Variants in LLCFC1 observed in about 807,000 individuals in gnomAD.
LLCFC1 encodes the protein sperm-oocyte fusion factor 1.
Under a neutral mutation model 9.8 loss-of-function variants are expected in LLCFC1, and 14 were observed. The observed-to-expected ratio is 1.43, with a 90% CI of 0.95 to 2.24. LLCFC1 has a LOEUF of 2.24. Ranked by LOEUF, LLCFC1 falls within the 30% of genes most tolerant of loss-of-function variation. The pLI is 0.00. For missense variants in LLCFC1, 162 were observed against 148.0 expected (o/e 1.09, Z -0.49); for synonymous variants, 70 against 58.8 (o/e 1.19, Z -0.87).
chr7:142,940,639 A>C lies in LLCFC1; in HGVS notation c.*52A>C. 7.1e-7 allele frequency: 1 copy of C among 1,418,226 alleles called. No individual in the cohort carries two copies. Among genetic ancestry groups the C allele is most frequent in the Middle Eastern group, 2.0e-4 (1 of 5,126 alleles). The allele number at this position is 1,418,226 out of a possible 1,614,324, so 87.9% of individuals were successfully genotyped here. A position where few individuals can be genotyped will look rare whatever the true frequency, so the allele number is the denominator to read the frequency against. On this transcript the variant is annotated 3_prime_UTR_variant, in exon 2 of 2. Coordinates refer to ENST00000409607, the MANE Select transcript of LLCFC1 (RefSeq NM_001382496.1). ...CACAACTCCCAAAGGAGATGCAGGCATGGCTCTCTGCCTCTGATCACCATC... is the reference window on the plus strand; with the variant it reads ...CACAACTCCCAAAGGAGATGCAGGCCTGGCTCTCTGCCTCTGATCACCATC...
rs770683703 is a variant in LLCFC1 at position 142,939,626 on chromosome 7, C to A, written c.5C>A (p.Pro2His). The A allele has an allele frequency of 1.9e-6, 3 of 1,611,734 alleles. No individual in the cohort carries two copies. The African/African-American group carries it at 4.0e-5, about 22-fold the overall frequency. The change falls in exon 1 of 2, where the codon CCT becomes CAT. Residue 2 changes from proline (P) to histidine (H), a missense_variant. Pro to His is a moderately conservative substitution (Grantham distance 77). Coordinates refer to ENST00000409607, the MANE Select transcript of LLCFC1 (RefSeq NM_001382496.1). MPPLAPQLCRAV... is the reference protein window; with the variant it reads MHPLAPQLCRAV... ...AGGCAGTGGGTGGGCAGGTCCATGC[C>A]TCCCCTGGCCCCCCAGCTCTGCAGG...
In LLCFC1 at chr7:142,939,573, C is replaced by A; in HGVS notation, c.-49C>A. 5 of 1,585,586 alleles carry A rather than the reference C, an allele frequency of 3.2e-6. No individual in the cohort carries two copies. Among genetic ancestry groups the A allele is most frequent in the Non-Finnish European group, 4.3e-6 (5 of 1,165,612 alleles). On this transcript the variant is annotated 5_prime_UTR_variant, in exon 1 of 2. It adds an upstream start codon to the 5' untranslated region. Transcript: ENST00000409607. The stretch of plus-strand genomic sequence containing the variant: ...TGGGGCAGGAGGTGCACGGATCCTG[C>A]TGGGCACTGGGAGCAGGGGGCGGCC...
chr7:142,939,762 G>A lies in LLCFC1; in HGVS notation c.133+8G>A. On this transcript the variant is annotated splice_region_variant and intron_variant, in intron 1 of 1. Coordinates refer to ENST00000409607, the MANE Select transcript of LLCFC1 (RefSeq NM_001382496.1). ...AGAAAACGCCCTCTGCAGGTAGGTG[G>A]AAAAAAAGACAGGAGCCATACAGAG... is the stretch of plus-strand genomic sequence containing the variant. The A allele has an allele frequency of 4.4e-6, 7 of 1,596,136 alleles. No homozygotes were observed. The highest frequency in any genetic ancestry group is 2.3e-5 in the South Asian group (2 of 88,582).
intron 1 of LLCFC1, 95 bp from the exon 2 acceptor site, chr7:142,940,257 G>T: frequency 1.1e-6 from 1 of 950,904 alleles, no homozygotes; most frequent in South Asian, 1.4e-5. Flanking sequence ...TGGGACTGCA[G>T]CCCTAGGCTT....
At position 142,940,866 on chromosome 7, in the gene LLCFC1, C is replaced by T. The variant is rs1266947376; in HGVS notation, c.*279C>T. 3 of 582,774 alleles carry T rather than the reference C, an allele frequency of 5.1e-6. No individual in the cohort carries two copies. Among genetic ancestry groups the T allele is most frequent in the Non-Finnish European group, 9.1e-6 (3 of 328,208 alleles). The allele number at this position is 582,774 out of a possible 1,614,324, so 36.1% of individuals were successfully genotyped here. ...TAAAATAACGATAAAATCCTGAGAA[C>T]AATTGGGAGCAGCTTTCCGATACTT... On this transcript the variant is annotated 3_prime_UTR_variant, in exon 2 of 2. Coordinates refer to ENST00000409607, the MANE Select transcript of LLCFC1 (RefSeq NM_001382496.1).
At position 142,940,457 on chromosome 7, in the gene LLCFC1, C is replaced by T. The variant is rs369000744; in HGVS notation, c.239C>T (p.Thr80Met). The T allele has an allele frequency of 1.3e-5, 21 of 1,613,932 alleles. No homozygotes were observed. The highest frequency in any genetic ancestry group is 3.3e-5 in the Admixed American group (2 of 59,998). Residue 80 changes from threonine (T) to methionine (M), a missense_variant, in exon 2 of 2, where the codon ACG becomes ATG. Thr to Met is a moderately conservative substitution (Grantham distance 81). Transcript: ENST00000409607. ...CAGGAAGAAGACCAGTCGTCCAAGA[C>T]GGCAGCTGTTCACAAGCACTCTTTC... ...AQQEEDQSSK[T>M]AAVHKHSFHL...
chr7:142,939,705 G>A lies in LLCFC1; in HGVS notation c.84G>A (p.Gly28=). 2 of 1,614,146 alleles carry A rather than the reference G, an allele frequency of 1.2e-6. No individual in the cohort carries two copies. Among genetic ancestry groups the A allele is most frequent in the East Asian group, 4.5e-5 (2 of 44,882 alleles). Reference sequence around the variant, plus strand: ...TGCTGCAGGTGAAGCCTCTGAACGGGAGCCCAGGCCCCAAAGATGGGAGCC... The same window carrying A: ...TGCTGCAGGTGAAGCCTCTGAACGGAAGCCCAGGCCCCAAAGATGGGAGCC... ...LLLLQVKPLN[G]SPGPKDGSQT... is the part of the protein sequence containing the mutation. Residue 28 remains glycine (G), a synonymous_variant, in exon 1 of 2, where the codon GGG becomes GGA. Coordinates refer to ENST00000409607, the MANE Select transcript of LLCFC1 (RefSeq NM_001382496.1).
rs890035142 is a variant in LLCFC1 at position 142,940,472 on chromosome 7, A to C, written c.254A>C (p.Lys85Thr). Residue 85 changes from lysine (K) to threonine (T), a missense_variant, in exon 2 of 2, where the codon AAG becomes ACG. Lys to Thr is a moderately conservative substitution (Grantham distance 78, BLOSUM62 -1). Coordinates refer to ENST00000409607, the MANE Select transcript of LLCFC1 (RefSeq NM_001382496.1). ...TCGTCCAAGACGGCAGCTGTTCACA[A>C]GCACTCTTTCCACCTCAGCTTCTGC... ...DQSSKTAAVH[K>T]HSFHLSFCFS... The C allele has an allele frequency of 3.7e-6, 6 of 1,613,968 alleles. No homozygotes were observed. In the Admixed American group the frequency reaches 8.3e-5, roughly 22 times the overall value.
Position 142,939,555 on chromosome 7 carries a change from G to C in LLCFC1, c.-67G>C. ...TAAGGGCCAGGACAGGAATGGGGCA[G>C]GAGGTGCACGGATCCTGCTGGGCAC... is the stretch of plus-strand genomic sequence containing the variant. On this transcript the variant is annotated 5_prime_UTR_variant, in exon 1 of 2. Coordinates refer to ENST00000409607, the MANE Select transcript of LLCFC1 (RefSeq NM_001382496.1). 6.4e-7 allele frequency: 1 copy of C among 1,565,190 alleles called. No homozygotes were observed. Among genetic ancestry groups the C allele is most frequent in the Non-Finnish European group, 8.7e-7 (1 of 1,155,486 alleles).
At chr7:142,940,107 GT>G (rs1796306757) in intron 1 of LLCFC1, among the ~76,000 whole-genome samples, 1 of 536 alleles carries the variant, frequency 1.9e-3, no homozygotes. Flanking sequence ...CTTAGGAATG[GT>G]GTGTGTGTGT....
Position 142,940,342 on chromosome 7 carries a change from C to A in LLCFC1, c.134-10C>A. 1 of 1,609,586 alleles carries A rather than the reference C, an allele frequency of 6.2e-7. No homozygotes were observed. ...CAGGGCTCAGTCCTTGTCCTTTTCC[C>A]CTGTTCCAGACCAGAATCAAGAACA... On this transcript the variant is annotated splice_polypyrimidine_tract_variant and intron_variant, in intron 1 of 1. Coordinates refer to ENST00000409607, the MANE Select transcript of LLCFC1 (RefSeq NM_001382496.1).
At position 142,939,706 on chromosome 7, in the gene LLCFC1, A is replaced by C. The variant is rs1796295862; in HGVS notation, c.85A>C (p.Ser29Arg). ...GCTGCAGGTGAAGCCTCTGAACGGG[A>C]GCCCAGGCCCCAAAGATGGGAGCCA... is the stretch of plus-strand genomic sequence containing the variant. ...LLLQVKPLNG[S>R]PGPKDGSQTE... is the part of the protein sequence containing the mutation. Residue 29 changes from serine to arginine, a missense_variant, in exon 1 of 2, where the codon AGC (serine) becomes CGC (arginine). Coordinates refer to ENST00000409607, the MANE Select transcript of LLCFC1 (RefSeq NM_001382496.1). 2.5e-6 allele frequency: 4 copies of C among 1,614,020 alleles called. 1 individual carries two copies. In the South Asian group the frequency reaches 4.4e-5, roughly 18 times the overall value.
intron 1 of LLCFC1, 62 bp from the exon 2 acceptor site, chr7:142,940,290 C>A (rs1418768290): frequency 7.3e-7 from 1 of 1,375,386 alleles, no homozygotes; most frequent in African/African-American, 1.4e-5. Flanking sequence ...CCTATTCTAA[C>A]TTCTCCTTTC....
intron 1 of LLCFC1, 72 bp from the exon 2 acceptor site, chr7:142,940,280 C>T: frequency 8.0e-7 from 1 of 1,253,312 alleles, no homozygotes; most frequent in Non-Finnish European, 1.2e-6. Context: ...ACGTGTTTTT[C>T]CTATTCTAAC....
Position 142,940,864 on chromosome 7 carries a change from A to G in LLCFC1, c.*277A>G. The G allele has an allele frequency of 3.4e-6, 2 of 584,140 alleles. No individual in the cohort carries two copies. Among genetic ancestry groups the G allele is most frequent in the East Asian group, 5.7e-5 (2 of 35,090 alleles). The allele number at this position is 584,140 out of a possible 1,614,324, so 36.2% of individuals were successfully genotyped here. A position where few individuals can be genotyped will look rare whatever the true frequency, so the allele number is the denominator to read the frequency against. ...AATAAAATAACGATAAAATCCTGAGAACAATTGGGAGCAGCTTTCCGATAC... is the reference window on the plus strand; with the variant it reads ...AATAAAATAACGATAAAATCCTGAGGACAATTGGGAGCAGCTTTCCGATAC... On this transcript the variant is annotated 3_prime_UTR_variant, in exon 2 of 2. Coordinates refer to ENST00000409607, the MANE Select transcript of LLCFC1 (RefSeq NM_001382496.1).
In LLCFC1 at chr7:142,940,514, T is replaced by C. The variant is rs148010864; in HGVS notation, c.296T>C (p.Val99Ala). ...HLSFCFSLAS[V>A]MVFSGGPLRR... The stretch of plus-strand genomic sequence containing the variant: ...AGCTTCTGCTTTAGTCTGGCCAGTG[T>C]CATGGTTTTCTCAGGAGGGCCATTG... Residue 99 changes from valine (V) to alanine (A), a missense_variant, in exon 2 of 2, where the codon GTC becomes GCC. Transcript: ENST00000409607. The C allele has an allele frequency of 3.4e-4, 553 of 1,614,180 alleles. 2 individuals are homozygous for C. Among genetic ancestry groups the C allele is most frequent in the Middle Eastern group, 1.2e-3 (7 of 6,062 alleles).
In LLCFC1 at chr7:142,940,332, G is replaced by C. The variant is rs755749473; in HGVS notation, c.134-20G>C. 4 of 1,603,348 alleles carry C rather than the reference G, an allele frequency of 2.5e-6. No individual in the cohort carries two copies. Among genetic ancestry groups the C allele is most frequent in the Non-Finnish European group, 2.6e-6 (3 of 1,170,228 alleles). ...AGGCCAGGGTCAGGGCTCAGTCCTT[G>C]TCCTTTTCCCCTGTTCCAGACCAGA... On this transcript the variant is annotated intron_variant, in intron 1 of 1. Coordinates refer to ENST00000409607, the MANE Select transcript of LLCFC1 (RefSeq NM_001382496.1).
At chr7:142,939,899 A>G (rs1796301306) in intron 1 of LLCFC1, 145 bp downstream of exon 1, 7 of 747,512 alleles carry the variant, frequency 9.4e-6, no homozygotes, top group Admixed American at 9.0e-5. Flanking sequence ...GTGAGACCTG[A>G]CATAGGTCTG....
chr7:142,940,734 C>G lies in LLCFC1; in HGVS notation c.*147C>G, dbSNP rs577260587. ...TGCTAACTGACTGCCTCTCCAGGTT[C>G]GGAGTTTCATCTCCCAGGGCCAGAG... On this transcript the variant is annotated 3_prime_UTR_variant, in exon 2 of 2. Transcript: ENST00000409607. 2.9e-6 allele frequency: 2 copies of G among 694,846 alleles called. No individual in the cohort carries two copies. Among genetic ancestry groups the G allele is most frequent in the Non-Finnish European group, 4.9e-6 (2 of 412,288 alleles). The allele number at this position is 694,846 out of a possible 1,614,324, so 43.0% of individuals were successfully genotyped here.
Sources: gnomAD v4.1 joint callset for allele counts (sites outside exome capture counted in the v4.1 genomes callset) on GRCh38, gnomAD v4.1.1 for gene constraint, MANE v1.5 for transcripts, NCBI Gene and HGNC (gene_info 2026-07-23, HGNC 2026-07-21) for gene names.